Variants in SH3BP2 observed in about 807,000 individuals in gnomAD.
SH3BP2 encodes the protein SH3 domain-binding protein 2.
In SH3BP2, 38 loss-of-function variants were observed where a neutral mutation model predicts 56.2. The observed-to-expected ratio is 0.68, with a 90% confidence interval of 0.52 to 0.89. SH3BP2 has a LOEUF of 0.89. SH3BP2 is among the 40% of genes least tolerant of loss of function. The pLI is 0.00. For synonymous variants in SH3BP2, 346 were observed against 316.7 expected (o/e 1.09, Z -0.98); for missense variants, 748 against 762.6 (o/e 0.98, Z 0.23).
At chr4:2,832,172 T>G (rs934368597) in intron 10 of SH3BP2, 159 bp from the exon 11 acceptor site, 1 of 955,500 alleles carries the variant, frequency 1.0e-6, no homozygotes, top group Non-Finnish European at 1.7e-6. Flanking sequence ...AGGGCTCTGC[T>G]GGGCTGCTTC....
intron 1 of SH3BP2, 46 bp downstream of exon 1, chr4:2,793,184 G>C (rs1374220226): frequency 6.7e-6 from 1 of 149,064 alleles, no homozygotes; most frequent in Admixed American, 6.6e-5. Flanking sequence ...GGTCTCGCGG[G>C]GGGGCGGTCT....
intron 11 of SH3BP2, 85 bp from the exon 12 acceptor site, chr4:2,832,905 G>C (rs534142780): frequency 2.2e-6 from 3 of 1,372,512 alleles, no homozygotes; most frequent in Non-Finnish European, 3.1e-6. Flanking sequence ...TGATGGTTCT[G>C]CCCCCCTATC....
Position 2,829,809 on chromosome 4 carries a change from C to G in SH3BP2, c.903C>G (p.Ala301=), listed in dbSNP as rs764935187. ...AACCCCCTTGCTTCCGGGAGAGTGC[C>G]AGCCCCAGCCCGGAGCCCTGGACCC... ...LRKPPCFRES[A]SPSPEPWTPG... The change falls in exon 8 of 13, where the codon GCC becomes GCG. Residue 301 remains alanine (A), a synonymous_variant. Transcript: ENST00000503393. This position sits in a 1 kb window ranked among gnomAD's most constrained non-coding sequence, Gnocchi z 4.9. 1.1e-5 allele frequency: 17 copies of G among 1,613,208 alleles called. No individual in the cohort carries two copies. Among genetic ancestry groups the G allele is most frequent in the African/African-American group, 2.7e-5 (2 of 74,894 alleles).
At chr4:2,811,483 C>T (rs933437129) in intron 1 of SH3BP2, among the ~76,000 whole-genome samples, 3 of 152,160 alleles carry the variant, frequency 2.0e-5, no homozygotes, top group African/African-American at 4.8e-5. Context: ...AGAGGGAGGG[C>T]GCTCAGCAGC....
At chr4:2,827,131 C>A in intron 5 of SH3BP2, 99 bp from the exon 6 acceptor site, 1 of 880,428 alleles carries the variant, frequency 1.1e-6, no homozygotes, top group Non-Finnish European at 1.9e-6. Context: ...GTGTATCTGT[C>A]CATGTATCCG....
intron 1 of SH3BP2, among the ~76,000 whole-genome samples, chr4:2,815,455 G>T (rs115202086): frequency 0.016 from 2,442 of 152,322 alleles, 71 homozygotes; most frequent in African/African-American, 0.056. Flanking sequence ...TGCCCACAGC[G>T]GGACAGCAGC....
At chr4:2,806,243 C>G (rs569089306) in intron 1 of SH3BP2, among the ~76,000 whole-genome samples, 1 of 152,162 alleles carries the variant, frequency 6.6e-6, no homozygotes, top group Non-Finnish European at 1.5e-5. Flanking sequence ...CCGCCCCTCT[C>G]GGGACCCTGC....
intron 1 of SH3BP2, among the ~76,000 whole-genome samples, chr4:2,814,154 G>A (rs1723887870): frequency 6.6e-6 from 1 of 152,246 alleles, no homozygotes; most frequent in African/African-American, 2.4e-5. Flanking sequence ...GAGCTGTGCA[G>A]CTCATGTGCA....
intron 1 of SH3BP2, among the ~76,000 whole-genome samples, chr4:2,802,855 T>C (rs1723368399): frequency 6.6e-6 from 1 of 152,184 alleles, no homozygotes; most frequent in Admixed American, 6.5e-5. Context: ...GGTCCCAGCC[T>C]GTGGCACCCG....
chr4:2,833,403 T>C, intron 12 of SH3BP2: 2 of 577,828 alleles, frequency 3.5e-6, no homozygotes, highest in South Asian at 4.0e-5. Context: ...CCTCCCACAG[T>C]GCTGGGATTA....
rs28507721 is a variant in SH3BP2, at chr4:2,818,442, C to G, written c.-4-2172C>G. The G allele has an allele frequency of 0.099, 99,499 of 1,006,900 alleles. 5,115 individuals carry two copies. Among genetic ancestry groups the G allele is most frequent in the Middle Eastern group, 0.13 (337 of 2,514 alleles). The allele number at this position is 1,006,900 out of a possible 1,614,324, so 62.4% of individuals were successfully genotyped here. A position where few individuals can be genotyped will look rare whatever the true frequency, so the allele number is the denominator to read the frequency against. ...CCCCGGGACCCGGGCCGCGAGCTTC[C>G]GGCTCTGGACCCCGCACCCCGAGCC... On this transcript the variant is annotated intron_variant, in intron 1 of 12. Transcript: ENST00000503393.
chr4:2,801,726 C>G (rs1349268637), intron 1 of SH3BP2, among the ~76,000 whole-genome samples: 2 of 152,128 alleles, frequency 1.3e-5, no homozygotes, highest in Admixed American at 6.6e-5. Flanking sequence ...TAAAAAATGA[C>G]AAGAAGCAGA....
intron 8 of SH3BP2, among the ~76,000 whole-genome samples, chr4:2,830,523 G>A (rs879713732): frequency 6.6e-5 from 10 of 152,134 alleles, no homozygotes; most frequent in Admixed American, 3.3e-4. Context: ...CAACACGCCC[G>A]GCTAATTTTT....
intron 1 of SH3BP2, among the ~76,000 whole-genome samples, chr4:2,805,330 G>A (rs1723488193): frequency 6.6e-6 from 1 of 152,188 alleles, no homozygotes; most frequent in South Asian, 2.1e-4. Flanking sequence ...GGTCACCCTG[G>A]AGGCCCAGGC....
In SH3BP2 at chr4:2,827,018, T is replaced by C. The variant is rs767620163; in HGVS notation, c.429-212T>C. 10 of 683,238 alleles carry C rather than the reference T, an allele frequency of 1.5e-5. 1 individual carries two copies. The South Asian group carries it at 1.5e-4, about 10-fold the overall frequency. The allele number at this position is 683,238 out of a possible 1,614,324, so 42.3% of individuals were successfully genotyped here. On this transcript the variant is annotated intron_variant, in intron 5 of 12. Coordinates refer to ENST00000503393, the MANE Select transcript of SH3BP2 (RefSeq NM_001122681.2). ...ATGTGTGTGTCTGTCAGCGTATCCA[T>C]GTGTGCATGTGTGTGTCTGTCAGCG...
chr4:2,822,060 G>A (rs969739191), intron 2 of SH3BP2, among the ~76,000 whole-genome samples: 23 of 152,044 alleles, frequency 1.5e-4, no homozygotes, highest in Admixed American at 1.2e-3. Context: ...TAGAGACAGC[G>A]TTTCACCATG....
intron 1 of SH3BP2, among the ~76,000 whole-genome samples, chr4:2,796,856 C>T (rs1263447): frequency 0.13 from 19,299 of 152,248 alleles, 3,119 homozygotes; most frequent in African/African-American, 0.38. Flanking sequence ...GGGGCTGAGG[C>T]CGCGAGGCAG....
At chr4:2,793,709 T>G (rs1225279403) in intron 1 of SH3BP2, 3 of 152,186 alleles carry the variant, frequency 2.0e-5, no homozygotes, top group East Asian at 3.9e-4. Context: ...CGGCCGCGCT[T>G]CACGGAGGGC....
chr4:2,798,179 CT>C (rs1003045006), intron 1 of SH3BP2, among the ~76,000 whole-genome samples: 4 of 152,142 alleles, frequency 2.6e-5, no homozygotes, highest in African/African-American at 9.7e-5. Flanking sequence ...GGACCAAAGC[CT>C]GGTGAGGAAG....
Sources: gnomAD v4.1 joint callset for allele counts (sites outside exome capture counted in the v4.1 genomes callset) on GRCh38, gnomAD v4.1.1 for gene constraint, Gnocchi (gnomAD v3.1) non-coding constraint, MANE v1.5 for transcripts, NCBI Gene and HGNC (gene_info 2026-07-23, HGNC 2026-07-21) for gene names.